SLC25A13: variants seen among roughly 807,000 people sequenced by gnomAD.
SLC25A13 encodes electrogenic aspartate/glutamate antiporter SLC25A13, mitochondrial.
A neutral mutation model predicts 85.5 loss-of-function variants in SLC25A13; 70 were observed. The observed-to-expected ratio is 0.82, with a 90% CI of 0.68 to 1.00. The LOEUF is 1.00. Among genes scored for constraint, SLC25A13 ranks in the 50% least tolerant of loss-of-function variants. SLC25A13 has a pLI of 0.00. For synonymous variants in SLC25A13, 259 were observed against 288.7 expected (o/e 0.90, Z 1.04); for missense variants, 765 against 819.8 (o/e 0.93, Z 0.82).
intron 2 of SLC25A13, among the ~76,000 whole-genome samples, chr7:96,293,267 CA>C (rs1331382606): frequency 1.3e-5 from 2 of 152,132 alleles, no homozygotes; most frequent in Admixed American, 6.6e-5. Flanking sequence ...ACACCTTATA[CA>C]AAAATTAATT....
intron 15 of SLC25A13, among the ~76,000 whole-genome samples, chr7:96,128,939 G>GCTTGCTCGCTCT (rs1554336579): frequency 1.5e-4 from 12 of 81,902 alleles, no homozygotes; most frequent in African/African-American, 4.7e-4. Flanking sequence ...TGCCTTGCTT[G>GCTTGCTCGCTCT]CTCTCTCTCT....
At chr7:96,190,486 CCTCATAT>C (rs1794804851) in intron 7 of SLC25A13, among the ~76,000 whole-genome samples, 1 of 152,092 alleles carries the variant, frequency 6.6e-6, no homozygotes, top group Non-Finnish European at 1.5e-5. Context: ...TTATGGAATT[CCTCATAT>C]ACACCTGAAG....
intron 1 of SLC25A13, among the ~76,000 whole-genome samples, chr7:96,319,627 T>G (rs889906368): frequency 1.3e-5 from 2 of 151,380 alleles, no homozygotes; most frequent in African/African-American, 4.9e-5. Flanking sequence ...GATCATTTCC[T>G]CTTTGCTTTG....
intron 4 of SLC25A13, among the ~76,000 whole-genome samples, chr7:96,231,072 C>T (rs539837959): frequency 3.7e-4 from 56 of 152,252 alleles, no homozygotes; most frequent in Middle Eastern, 3.4e-3. Flanking sequence ...GATCATACCA[C>T]TGCACTCCAG....
chr7:96,124,719 G>C (rs1791656312), intron 15 of SLC25A13, among the ~76,000 whole-genome samples: 1 of 152,036 alleles, frequency 6.6e-6, no homozygotes, highest in Non-Finnish European at 1.5e-5. Flanking sequence ...TTATTACTAG[G>C]GGTACTGAAT....
Position 96,121,229 on chromosome 7 carries a change from A to G in SLC25A13, c.1990T>C (p.Ser664Pro), listed in dbSNP as rs756776797. The G allele has an allele frequency of 6.2e-7, 1 of 1,614,164 alleles. No homozygotes were observed. Among genetic ancestry groups the G allele is most frequent in the Non-Finnish European group, 8.5e-7 (1 of 1,180,036 alleles). ...FGLYLPLFKP[S>P]VSTSKAIGGG... Reference sequence around the variant, plus strand: ...CCAATAGCCTTTGAGGTAGATACTGATGGCTTGAAGAGAGGTAGGTAAAGT... The same window carrying G: ...CCAATAGCCTTTGAGGTAGATACTGGTGGCTTGAAGAGAGGTAGGTAAAGT... The change falls in exon 18 of 18, where the codon TCA (serine) becomes CCA (proline). Residue 664 changes from serine (S) to proline (P), a missense_variant. Ser to Pro is a moderately conservative substitution (Grantham distance 74). Coordinates refer to ENST00000265631, the MANE Select transcript of SLC25A13 (RefSeq NM_014251.3).
chr7:96,223,950 T>C (rs1354513818), intron 4 of SLC25A13, among the ~76,000 whole-genome samples: 1 of 152,156 alleles, frequency 6.6e-6, no homozygotes, highest in African/African-American at 2.4e-5. Context: ...ATATGCCAAA[T>C]AGTTCAGATC....
intron 3 of SLC25A13, among the ~76,000 whole-genome samples, chr7:96,274,447 A>G (rs971572915): frequency 3.9e-5 from 6 of 151,968 alleles, no homozygotes; most frequent in African/African-American, 1.5e-4. Context: ...ATTTTCTCCC[A>G]TTCTGTAGGT....
intron 5 of SLC25A13, among the ~76,000 whole-genome samples, chr7:96,193,435 T>C (rs1034937156): frequency 1.3e-5 from 2 of 152,128 alleles, no homozygotes; most frequent in South Asian, 2.1e-4. Context: ...ATTACTTCCG[T>C]GCTCTCTAGA....
chr7:96,121,849 C>G lies in SLC25A13; in HGVS notation c.1740G>C (p.Lys580Asn). 1 of 1,614,182 alleles carries G rather than the reference C, an allele frequency of 6.2e-7. No homozygotes were observed. The highest frequency in any genetic ancestry group is 8.5e-7 in the Non-Finnish European group (1 of 1,180,012). The change falls in exon 16 of 18, where the codon AAG becomes AAC. Residue 580 changes from lysine to asparagine, a missense_variant. Lys to Asn is a moderately conservative substitution (Grantham distance 94). Coordinates refer to ENST00000265631, the MANE Select transcript of SLC25A13 (RefSeq NM_014251.3). ...LREEGPKALW[K>N]GAGARVFRSS... The stretch of plus-strand genomic sequence containing the variant: ...ACATTATTTCCATACCACCAGCTCC[C>G]TTCCACAGAGCTTTTGGTCCTTCTT...
intron 17 of SLC25A13, 58 bp downstream of exon 17, chr7:96,121,597 C>A: frequency 5.9e-6 from 9 of 1,536,290 alleles, no homozygotes; most frequent in African/African-American, 1.4e-5. Flanking sequence ...CCTTTCCCTA[C>A]GACAACAGAG....
rs570545249 is a variant in SLC25A13 at position 96,186,146 on chromosome 7, T to A, written c.934-1135A>T. 2.0e-5 allele frequency among the ~76,000 whole-genome samples: 3 copies of A among 152,134 alleles called. No individual in the cohort carries two copies. In the South Asian group the frequency reaches 6.2e-4, roughly 32 times the overall value. ...ATGTACATAACCTCTGAAGTTAGAA[T>A]AGGCTGGGTGCAGTGGCTCACACCT... is the stretch of plus-strand genomic sequence containing the variant. On this transcript the variant is annotated intron_variant, in intron 9 of 17. Transcript: ENST00000265631.
chr7:96,188,920 G>A (rs1794735342), intron 9 of SLC25A13, among the ~76,000 whole-genome samples: 1 of 152,152 alleles, frequency 6.6e-6, no homozygotes, highest in African/African-American at 2.4e-5. Flanking sequence ...GAGCAAAGAC[G>A]GCTTTCATTT....
chr7:96,203,021 T>C (rs989115204), intron 5 of SLC25A13, among the ~76,000 whole-genome samples: 1 of 152,178 alleles, frequency 6.6e-6, no homozygotes, highest in African/African-American at 2.4e-5. Flanking sequence ...TGTTTGACTC[T>C]TGGCTTAAAA....
intron 2 of SLC25A13, among the ~76,000 whole-genome samples, chr7:96,280,548 T>C (rs1798635375): frequency 6.6e-6 from 1 of 152,044 alleles, no homozygotes; most frequent in Non-Finnish European, 1.5e-5. Flanking sequence ...GAACTCCATC[T>C]CTACAAAAAA....
intron 14 of SLC25A13, among the ~76,000 whole-genome samples, chr7:96,134,793 T>TTTTATATATATATATATATA (rs940988441): frequency 4.9e-5 from 5 of 102,244 alleles, no homozygotes; most frequent in African/African-American, 1.6e-4. Context: ...ACAAACAATT[T>TTTTATATATATATATATATA]TATATATATA....
In SLC25A13 at chr7:96,241,056, AAGAAAG is replaced by A. The variant is rs546253120; in HGVS notation, c.213-6145_213-6140del. Among the ~76,000 whole-genome samples, 4 of 133,018 alleles carry A rather than the reference AAGAAAG, an allele frequency of 3.0e-5. No individual in the cohort carries two copies. In the East Asian group the frequency reaches 8.2e-4, roughly 27 times the overall value. The allele number at this position is 133,018 out of a possible 152,430, so 87.3% of individuals were successfully genotyped here. A position where few individuals can be genotyped will look rare whatever the true frequency, so the allele number is the denominator to read the frequency against. ...AAGAAAGGAAAGAAAGAAAGAAAGAAAGAAAGAAAGAAAGAAAGAAAGAAAGAAAGA... is the reference window on the plus strand; with the variant it reads ...AAGAAAGGAAAGAAAGAAAGAAAGAAAAAGAAAGAAAGAAAGAAAGAAAGA... On this transcript the variant is annotated intron_variant, in intron 3 of 17. Coordinates refer to ENST00000265631, the MANE Select transcript of SLC25A13 (RefSeq NM_014251.3).
intron 3 of SLC25A13, among the ~76,000 whole-genome samples, chr7:96,241,211 G>A (rs1457433362): frequency 6.6e-6 from 1 of 152,082 alleles, no homozygotes; most frequent in African/African-American, 2.4e-5. Context: ...TAGCCTATGG[G>A]TTAGCCCTGC....
intron 15 of SLC25A13, among the ~76,000 whole-genome samples, chr7:96,128,976 C>CTG (rs1791881649): frequency 6.6e-6 from 1 of 150,726 alleles, no homozygotes; most frequent in Non-Finnish European, 1.5e-5. Flanking sequence ...CTCTCTCTCT[C>CTG]TCTCTCAGAC....
Sources: allele counts gnomAD v4.1 joint callset (sites outside exome capture counted in the v4.1 genomes callset), GRCh38; gene constraint gnomAD v4.1.1; transcripts MANE v1.5; gene names NCBI Gene and HGNC (gene_info 2026-07-23, HGNC 2026-07-21).